The following LRP1B variants were observed in gnomAD, a reference collection of about 807,000 sequenced individuals.
The protein encoded by LRP1B is LDL receptor related protein 1B.
Under a neutral mutation model 556.6 loss-of-function variants are expected in LRP1B, and 217 were observed. That is an observed-to-expected ratio of 0.39 (90% CI 0.35 to 0.44). LRP1B has a LOEUF of 0.44. Ranked by LOEUF, LRP1B falls within the 20% of genes least tolerant of loss-of-function variation. The pLI, the probability that LRP1B is intolerant of heterozygous loss-of-function variation, is 1.00. For synonymous variants in LRP1B, 2,047 were observed against 1,865.8 expected, an observed-to-expected ratio of 1.10 and a Z score of -2.50; for missense variants, 5,053 against 5,620.8, an observed-to-expected ratio of 0.90 and a Z score of 3.23.
At chr2:142,025,890 A>G (rs1400850607) in intron 1 of LRP1B, among the ~76,000 whole-genome samples, 2 of 152,132 alleles carry the variant, frequency 1.3e-5, no homozygotes, top group Non-Finnish European at 2.9e-5. Context: ...AATTACAATG[A>G]TAACAAGGAT....
At chr2:141,952,151 T>G (rs957782166) in intron 1 of LRP1B, among the ~76,000 whole-genome samples, 8 of 151,048 alleles carry the variant, frequency 5.3e-5, no homozygotes, top group African/African-American at 1.9e-4. Flanking sequence ...GTTTCCAGCT[T>G]CATCCATGTC....
At chr2:141,569,492 G>A (rs147183821) in intron 2 of LRP1B, among the ~76,000 whole-genome samples, 1,715 of 151,116 alleles carry the variant, frequency 0.011, 92 homozygotes, top group Middle Eastern at 0.017. Flanking sequence ...GGAGAGGGAG[G>A]AACTAGTCAT....
chr2:140,983,559 AT>A (rs1696835175), intron 17 of LRP1B, among the ~76,000 whole-genome samples: 1 of 152,132 alleles, frequency 6.6e-6, no homozygotes, highest in African/African-American at 2.4e-5. Context: ...ATTGAAAATA[AT>A]TTCTTAAAAG....
chr2:140,254,277 C>T (rs998938892), intron 86 of LRP1B, among the ~76,000 whole-genome samples: 1 of 152,126 alleles, frequency 6.6e-6, no homozygotes, highest in African/African-American at 2.4e-5. Context: ...GCAATAGTAG[C>T]ATATCAGGAG....
At chr2:140,780,985 G>C (rs1218515217) in intron 32 of LRP1B, among the ~76,000 whole-genome samples, 1 of 152,148 alleles carries the variant, frequency 6.6e-6, no homozygotes, top group African/African-American at 2.4e-5. Flanking sequence ...CTAGACAGTA[G>C]AGATATCTAT....
At chr2:141,248,741 AC>A (rs1684157889) in intron 4 of LRP1B, among the ~76,000 whole-genome samples, 1 of 152,208 alleles carries the variant, frequency 6.6e-6, no homozygotes, top group Non-Finnish European at 1.5e-5. Flanking sequence ...TAGATGGGCT[AC>A]ATGGTCAGCT....
intron 2 of LRP1B, among the ~76,000 whole-genome samples, chr2:141,720,738 G>A (rs1406772363): frequency 6.6e-6 from 1 of 150,940 alleles, no homozygotes; most frequent in Non-Finnish European, 1.5e-5. Context: ...AGTTGTGATT[G>A]TCTTGAAAAG....
chr2:141,118,173 A>G (rs1420459503), intron 7 of LRP1B, among the ~76,000 whole-genome samples: 1 of 151,834 alleles, frequency 6.6e-6, no homozygotes, highest in East Asian at 1.9e-4. Flanking sequence ...CTTCAAAAAT[A>G]TTCAATGTTC....
chr2:141,754,664 T>C (rs1694254643), intron 2 of LRP1B, among the ~76,000 whole-genome samples: 1 of 152,152 alleles, frequency 6.6e-6, no homozygotes, highest in Non-Finnish European at 1.5e-5. Flanking sequence ...CCAAAATAAC[T>C]GTCCCTCCCT....
chr2:140,483,636 A>ATTT (rs1486364713), intron 59 of LRP1B, among the ~76,000 whole-genome samples: 8 of 72,330 alleles, frequency 1.1e-4, no homozygotes, highest in African/African-American at 3.4e-4. Flanking sequence ...ATATATATAT[A>ATTT]TATATTTTTT....
At chr2:140,676,057 G>C (rs1024086379) in intron 41 of LRP1B, among the ~76,000 whole-genome samples, 4 of 152,054 alleles carry the variant, frequency 2.6e-5, no homozygotes, top group Non-Finnish European at 4.4e-5. Flanking sequence ...AATTTAAAAG[G>C]CTTTTGATAA....
intron 3 of LRP1B, among the ~76,000 whole-genome samples, chr2:141,274,040 A>G (rs551664270): frequency 2.6e-4 from 40 of 152,340 alleles, no homozygotes; most frequent in African/African-American, 9.1e-4. Context: ...TAGGGTGGTT[A>G]TAATCATAGT....
intron 1 of LRP1B, among the ~76,000 whole-genome samples, chr2:142,062,747 T>C (rs1226643423): frequency 1.3e-5 from 2 of 151,810 alleles, no homozygotes; most frequent in African/African-American, 4.8e-5. Context: ...TATTTATCAA[T>C]ATTATTTTTG....
chr2:141,492,170 T>A (rs1419121524), intron 2 of LRP1B, among the ~76,000 whole-genome samples: 2 of 151,762 alleles, frequency 1.3e-5, no homozygotes, highest in East Asian at 3.9e-4. Flanking sequence ...TCCTTTCTTG[T>A]TCTCAGATTA....
chr2:140,450,712 T>C, intron 62 of LRP1B, 51 bp from the exon 63 acceptor site: 1 of 1,251,466 alleles, frequency 8.0e-7, no homozygotes, highest in Middle Eastern at 1.9e-4. Context: ...AGTGCATATA[T>C]AATGGATAAT....
intron 15 of LRP1B, among the ~76,000 whole-genome samples, chr2:140,995,904 G>A (rs1004424966): frequency 6.6e-6 from 1 of 151,978 alleles, no homozygotes; most frequent in African/African-American, 2.4e-5. Flanking sequence ...AGTTTAGAAA[G>A]AGAAGAGAAT....
At chr2:141,088,761 A>G (rs1271908659) in intron 7 of LRP1B, among the ~76,000 whole-genome samples, 1 of 152,160 alleles carries the variant, frequency 6.6e-6, no homozygotes, top group East Asian at 1.9e-4. Context: ...GAAAGAGAAA[A>G]CAGCACTAGG....
intron 2 of LRP1B, among the ~76,000 whole-genome samples, chr2:141,547,253 C>G (rs1685586315): frequency 6.6e-6 from 1 of 152,176 alleles, no homozygotes; most frequent in African/African-American, 2.4e-5. Flanking sequence ...ATGCTTTCAC[C>G]TCTAATGTCT....
At chr2:141,831,179 A>T (rs950853226) in intron 1 of LRP1B, among the ~76,000 whole-genome samples, 1 of 151,758 alleles carries the variant, frequency 6.6e-6, no homozygotes, top group Non-Finnish European at 1.5e-5. Flanking sequence ...ATTTCTAAAA[A>T]AAATAATTTT....
Sources: gnomAD v4.1 joint callset for allele counts (sites outside exome capture counted in the v4.1 genomes callset) on GRCh38, gnomAD v4.1.1 for gene constraint, MANE v1.5 for transcripts, NCBI Gene and HGNC (gene_info 2026-07-23, HGNC 2026-07-21) for gene names.